RYR3: variants seen among roughly 807,000 people sequenced by gnomAD.
RYR3 encodes ryanodine receptor 3, also known as brain ryanodine receptor-calcium release channel.
RYR3 carries 207 observed loss-of-function variants against 584.3 expected under a neutral mutation model. That is an observed-to-expected ratio of 0.35 (90% confidence interval 0.32 to 0.40). RYR3 has a LOEUF of 0.40. RYR3 is among the 10% of genes least tolerant of loss of function. RYR3 has a pLI of 1.00. For missense variants in RYR3, 5,616 were observed against 6,089.2 expected (o/e 0.92, Z 2.59); for synonymous variants, 2,416 against 2,248.5 (o/e 1.07, Z -2.11).
In RYR3 at chr15:33,629,972, C is replaced by T. The variant is rs147498767; in HGVS notation, c.2712C>T (p.Cys904=). 1 of 1,605,706 alleles carries T rather than the reference C, an allele frequency of 6.2e-7. No homozygotes were observed. Among genetic ancestry groups the T allele is most frequent in the Non-Finnish European group, 8.5e-7 (1 of 1,175,836 alleles). The change falls in exon 22 of 104, where the codon TGC becomes TGT. Residue 904 remains cysteine, a synonymous_variant. Coordinates refer to ENST00000634891, the MANE Select transcript of RYR3 (RefSeq NM_001036.6). ...ATGACAATAAAAGACAACACCCTTG[C>T]CTTGTGGAGTTTTCAAAGCTCCCAG... ...IRDDNKRQHP[C]LVEFSKLPET...
In RYR3 at chr15:33,631,640, T is replaced by C. The variant is rs779450903; in HGVS notation, c.2867+347T>C. On this transcript the variant is annotated intron_variant, in intron 23 of 103. Coordinates refer to ENST00000634891, the MANE Select transcript of RYR3 (RefSeq NM_001036.6). ...ATGACAGAGAGTCACTCCTCTGGCATTGGACCAGCCTTGTAAGTCCTTTGT... is the reference window on the plus strand; with the variant it reads ...ATGACAGAGAGTCACTCCTCTGGCACTGGACCAGCCTTGTAAGTCCTTTGT... Among the ~76,000 whole-genome samples the C allele has an allele frequency of 4.6e-5, 7 of 152,212 alleles. No homozygotes were observed. In the East Asian group the frequency reaches 5.8e-4, roughly 13 times the overall value.
chr15:33,385,050 A>G (rs2041488238), intron 1 of RYR3, among the ~76,000 whole-genome samples: 1 of 152,232 alleles, frequency 6.6e-6, no homozygotes, highest in African/African-American at 2.4e-5. Context: ...AAAGCTAAAC[A>G]GTTTCCTGTG....
At chr15:33,564,077 T>C (rs78316971) in intron 11 of RYR3, among the ~76,000 whole-genome samples, 3,848 of 152,296 alleles carry the variant, frequency 0.025, 56 homozygotes, top group Non-Finnish European at 0.036. Flanking sequence ...CCTTGATCTT[T>C]GTTTTCTCCT....
chr15:33,670,453 G>A lies in RYR3; in HGVS notation c.5757G>A (p.Glu1919=). 6.2e-7 allele frequency: 1 copy of A among 1,613,470 alleles called. No individual in the cohort carries two copies. Among genetic ancestry groups the A allele is most frequent in the South Asian group, 1.1e-5 (1 of 91,064 alleles). The change falls in exon 38 of 104, where the codon GAG becomes GAA. Residue 1919 remains glutamate, a synonymous_variant. Coordinates refer to ENST00000634891, the MANE Select transcript of RYR3 (RefSeq NM_001036.6). ...TGGAAGAAGAGGAAGAGGAGGAGGA[G>A]GACACCTCCTGGACAGGAAAACTCT... The part of the protein sequence containing the change: ...VPLEEEEEEE[E]DTSWTGKLCA...
At chr15:33,789,986 CTTT>C (rs757370991) in intron 67 of RYR3, among the ~76,000 whole-genome samples, 3 of 53,250 alleles carry the variant, frequency 5.6e-5, no homozygotes, top group East Asian at 6.3e-4. Context: ...GCCTGGCCTT[CTTT>C]TTTTTTTTTT....
chr15:33,788,656 T>G (rs1349393331), intron 67 of RYR3, among the ~76,000 whole-genome samples, 198 bp downstream of exon 67: 1 of 152,190 alleles, frequency 6.6e-6, no homozygotes, highest in African/African-American at 2.4e-5. Context: ...AATGATTCTG[T>G]ATGGTCTGTG....
intron 1 of RYR3, among the ~76,000 whole-genome samples, chr15:33,433,809 T>C (rs1246121834): frequency 6.6e-6 from 1 of 152,224 alleles, no homozygotes; most frequent in East Asian, 1.9e-4. Flanking sequence ...GGTTACCTCA[T>C]CCATATTTTT....
In RYR3 at chr15:33,696,492, G is replaced by A; in HGVS notation, c.6134+1G>A. ...AGTTGCTCATGATCAATGGGCTGGG[G>A]TAGGTGATTCACGGTTACGTGCTGT... On this transcript the variant is annotated splice_donor_variant, in intron 39 of 103. Transcript: ENST00000634891. LOFTEE classifies it high-confidence loss of function. 16 of 1,613,886 alleles carry A rather than the reference G, an allele frequency of 9.9e-6. No homozygotes were observed. The highest frequency in any genetic ancestry group is 1.3e-5 in the African/African-American group (1 of 75,066).
At chr15:33,622,320 A>G (rs145338625) in intron 19 of RYR3, among the ~76,000 whole-genome samples, 113 of 152,142 alleles carry the variant, frequency 7.4e-4, no homozygotes, top group Middle Eastern at 6.8e-3. Context: ...GGTCTTCTCC[A>G]CCTCAGAGCC....
intron 1 of RYR3, among the ~76,000 whole-genome samples, chr15:33,401,763 A>G (rs764794195): frequency 5.3e-5 from 8 of 152,208 alleles, no homozygotes; most frequent in Non-Finnish European, 1.0e-4. Context: ...GACAAATCCT[A>G]TATTTGACAG....
intron 1 of RYR3, among the ~76,000 whole-genome samples, chr15:33,318,202 CTGAGT>C (rs1004856217): frequency 1.3e-5 from 2 of 152,184 alleles, no homozygotes; most frequent in Non-Finnish European, 2.9e-5. Context: ...AGTTTTTCTA[CTGAGT>C]TGAGTTTGTA....
chr15:33,805,699 G>C (rs28758386), intron 69 of RYR3, among the ~76,000 whole-genome samples: 20,256 of 151,246 alleles, frequency 0.13, 1,565 homozygotes, highest in Non-Finnish European at 0.16. Flanking sequence ...GGATGGTCTC[G>C]ATCTCCTGAC....
chr15:33,325,165 A>G (rs561444003), intron 1 of RYR3, among the ~76,000 whole-genome samples: 32 of 152,304 alleles, frequency 2.1e-4, no homozygotes, highest in African/African-American at 7.5e-4. Context: ...ACTGAAGGTT[A>G]TTTGATGTCA....
Position 33,659,744 on chromosome 15 carries a change from C to G in RYR3, c.4333C>G (p.Pro1445Ala). The G allele has an allele frequency of 6.2e-7, 1 of 1,612,798 alleles. No homozygotes were observed. The highest frequency in any genetic ancestry group is 1.1e-5 in the South Asian group (1 of 91,024). Residue 1445 changes from proline to alanine, a missense_variant, in exon 33 of 104, where the codon CCA becomes GCA. Physicochemically the swap from Pro to Ala is conservative, Grantham distance 27. Coordinates refer to ENST00000634891, the MANE Select transcript of RYR3 (RefSeq NM_001036.6). ...YQVEPNTKVF[P>A]AVFLQPTSTS... ...GGTGGAGCCTAATACCAAAGTGTTTCCAGCAGTCTTCCTGCAGCCTACAAG... is the reference window on the plus strand; with the variant it reads ...GGTGGAGCCTAATACCAAAGTGTTTGCAGCAGTCTTCCTGCAGCCTACAAG...
intron 18 of RYR3, among the ~76,000 whole-genome samples, chr15:33,606,439 C>G (rs1022242965): frequency 3.9e-5 from 6 of 152,196 alleles, no homozygotes; most frequent in Non-Finnish European, 7.3e-5. Context: ...AACCCCCATT[C>G]CATGCTGAAT....
chr15:33,853,106 G>C lies in RYR3; in HGVS notation c.13671+19G>C. ...GAGAAAGGTATGCCTTGTTAGTGGG[G>C]GTGAGTTCCGTGATCACCAAAAAAT... On this transcript the variant is annotated intron_variant, in intron 95 of 103. Coordinates refer to ENST00000634891, the MANE Select transcript of RYR3 (RefSeq NM_001036.6). 6.4e-7 allele frequency: 1 copy of C among 1,570,032 alleles called. No individual in the cohort carries two copies. The highest frequency in any genetic ancestry group is 1.9e-5 in the Admixed American group (1 of 51,752).
intron 21 of RYR3, among the ~76,000 whole-genome samples, chr15:33,629,538 C>G (rs944265547): frequency 2.0e-5 from 3 of 152,186 alleles, no homozygotes; most frequent in African/African-American, 7.2e-5. Context: ...ATGTGCTTCA[C>G]GTTTGTGGCT....
intron 10 of RYR3, among the ~76,000 whole-genome samples, chr15:33,560,921 T>C (rs2057365475): frequency 1.3e-5 from 2 of 151,994 alleles, no homozygotes; most frequent in Non-Finnish European, 2.9e-5. Context: ...AAAAAATAAG[T>C]CATATTTAAT....
intron 67 of RYR3, among the ~76,000 whole-genome samples, chr15:33,794,362 T>G (rs1226443591): frequency 5.0e-4 from 72 of 143,864 alleles, no homozygotes; most frequent in African/African-American, 1.8e-3. Flanking sequence ...TATATATATA[T>G]AAAATCTTTT....
Sources: allele counts gnomAD v4.1 joint callset (sites outside exome capture counted in the v4.1 genomes callset), GRCh38; gene constraint gnomAD v4.1.1; transcripts MANE v1.5; gene names NCBI Gene and HGNC (gene_info 2026-07-23, HGNC 2026-07-21).